CSMD2: variants seen among roughly 807,000 people sequenced by gnomAD.
CSMD2 encodes CUB and sushi domain-containing protein 2.
A neutral mutation model predicts 398.5 loss-of-function variants in CSMD2; 130 were observed. The ratio of observed to expected loss-of-function variants is 0.33; its 90% CI spans 0.28 to 0.38. CSMD2 has a LOEUF of 0.38. Ranked by LOEUF, CSMD2 falls within the 10% of genes least tolerant of loss-of-function variation. The probability of loss-of-function intolerance (pLI) is 1.00; values close to 1 mark genes in which losing one functional copy is unlikely to be tolerated. For missense variants in CSMD2, 3,829 were observed against 4,764.9 expected (o/e 0.80, Z 5.78); for synonymous variants, 1,828 against 1,908.5 (o/e 0.96, Z 1.10).
intron 1 of CSMD2, among the ~76,000 whole-genome samples, chr1:34,111,061 T>G (rs962529871): frequency 3.9e-5 from 6 of 152,254 alleles, no homozygotes; most frequent in African/African-American, 1.4e-4. Flanking sequence ...TTACTGTTTA[T>G]TGTTTATTTC....
At chr1:33,845,162 C>A (rs1661233542) in intron 6 of CSMD2, among the ~76,000 whole-genome samples, 1 of 152,090 alleles carries the variant, frequency 6.6e-6, no homozygotes, top group Non-Finnish European at 1.5e-5. Context: ...GGAAGACACC[C>A]AAAGCACCAT....
intron 1 of CSMD2, among the ~76,000 whole-genome samples, chr1:34,110,010 C>T (rs1397011774): frequency 8.2e-6 from 1 of 122,386 alleles, no homozygotes; most frequent in African/African-American, 3.0e-5. Context: ...CACTGCACTC[C>T]AGCCTGGGTG....
intron 25 of CSMD2, among the ~76,000 whole-genome samples, chr1:33,690,736 A>G (rs755590306): frequency 6.6e-6 from 1 of 152,178 alleles, no homozygotes; most frequent in Non-Finnish European, 1.5e-5. Flanking sequence ...AACTACCTTT[A>G]TACTTGGGTC....
chr1:33,584,164 T>C (rs965796487), intron 46 of CSMD2, among the ~76,000 whole-genome samples: 9 of 152,182 alleles, frequency 5.9e-5, no homozygotes, highest in Non-Finnish European at 1.2e-4. Flanking sequence ...AAGGAGATAA[T>C]CTATAAAATG....
At chr1:33,850,369 G>C (rs1169187838) in intron 5 of CSMD2, among the ~76,000 whole-genome samples, 1 of 152,172 alleles carries the variant, frequency 6.6e-6, no homozygotes, top group Non-Finnish European at 1.5e-5. Flanking sequence ...TGCACAGAGA[G>C]GTAAAGAAAC....
chr1:34,007,772 C>T (rs2148055980), intron 3 of CSMD2, among the ~76,000 whole-genome samples: 1 of 152,208 alleles, frequency 6.6e-6, no homozygotes, highest in East Asian at 1.9e-4. Context: ...GAATTTTATG[C>T]ACTAATATGC....
chr1:34,040,928 C>A (rs1651772827), intron 2 of CSMD2, among the ~76,000 whole-genome samples: 1 of 152,088 alleles, frequency 6.6e-6, no homozygotes. Context: ...AGTTCGAGAT[C>A]ACCCTGGTCA....
chr1:33,515,037 T>G lies in CSMD2; in HGVS notation c.*1587A>C, dbSNP rs1051259621. ...TCACACGTATACAGGGGCTTAAGCT[T>G]GTGGGGGCCTTCCCGAGGACAGAGA... On this transcript the variant is annotated 3_prime_UTR_variant, in exon 71 of 71. Coordinates refer to ENST00000373381, the MANE Select transcript of CSMD2 (RefSeq NM_001281956.2). 3 of 152,206 alleles carry G rather than the reference T, an allele frequency of 2.0e-5. No homozygotes were observed. The highest frequency in any genetic ancestry group is 2.9e-5 in the Non-Finnish European group (2 of 68,046). 9.4% of individuals were successfully genotyped at this position (152,206 alleles called of 1,614,324 possible).
At chr1:33,616,680 A>G (rs1420361728) in intron 39 of CSMD2, among the ~76,000 whole-genome samples, 3 of 152,144 alleles carry the variant, frequency 2.0e-5, no homozygotes, top group African/African-American at 4.8e-5. Flanking sequence ...AAATGGGCAG[A>G]CCTCCTGTAA....
At chr1:33,956,946 T>C (rs2125385223) in intron 3 of CSMD2, among the ~76,000 whole-genome samples, 1 of 152,214 alleles carries the variant, frequency 6.6e-6, no homozygotes, top group South Asian at 2.1e-4. Flanking sequence ...CAGTCTCTGC[T>C]GGTGCCCTTG....
chr1:33,789,196 TCTC>T (rs1456754934), intron 11 of CSMD2, among the ~76,000 whole-genome samples: 2 of 152,150 alleles, frequency 1.3e-5, no homozygotes, highest in East Asian at 3.9e-4. Context: ...CAATGAGACA[TCTC>T]CTTCCATTCC....
chr1:33,975,356 T>TTGTC (rs199642399), intron 3 of CSMD2, among the ~76,000 whole-genome samples: 1,695 of 152,186 alleles, frequency 0.011, 31 homozygotes, highest in African/African-American at 0.037. Context: ...CAAACAGACT[T>TTGTC]TTCTTCACTG....
chr1:33,769,407 T>C (rs150084059), intron 13 of CSMD2, among the ~76,000 whole-genome samples: 2 of 152,282 alleles, frequency 1.3e-5, no homozygotes, highest in East Asian at 3.9e-4. Flanking sequence ...TCCCATTGAT[T>C]TTGAGCAGGG....
intron 22 of CSMD2, among the ~76,000 whole-genome samples, chr1:33,705,800 G>T (rs1194308398): frequency 2.6e-5 from 4 of 151,678 alleles, no homozygotes; most frequent in Non-Finnish European, 4.4e-5. Flanking sequence ...GCAGTGGCGT[G>T]ATCCCTAAAC....
At chr1:33,721,031 A>G (rs1436632617) in intron 19 of CSMD2, among the ~76,000 whole-genome samples, 1 of 152,160 alleles carries the variant, frequency 6.6e-6, no homozygotes, top group Non-Finnish European at 1.5e-5. Context: ...ATCTATGCTA[A>G]GAATTAGGTG....
chr1:33,516,905 GAAA>G lies in CSMD2; in HGVS notation c.*54-338_*54-336del, dbSNP rs3043317. ...ATTTTAGTTTCTTTCAAAATCAGAT[GAAA>G]AAAAAAAAATGACTAGGATAATAAT... is the stretch of plus-strand genomic sequence containing the variant. On this transcript the variant is annotated intron_variant, in intron 70 of 70. Coordinates refer to ENST00000373381, the MANE Select transcript of CSMD2 (RefSeq NM_001281956.2). Among the ~76,000 whole-genome samples, 704 of 149,934 alleles carry G rather than the reference GAAA, an allele frequency of 4.7e-3. 5 individuals are homozygous for G. The highest frequency in any genetic ancestry group is 0.013 in the African/African-American group (532 of 41,086).
Position 33,696,116 on chromosome 1 carries a change from C to A in CSMD2, c.3925+2637G>T, listed in dbSNP as rs114827773. On this transcript the variant is annotated intron_variant, in intron 24 of 70. Transcript: ENST00000373381. Reference sequence around the variant, plus strand: ...TTTATTGAATTAATGGATGGCTGGACAATCAAATGAATGGAAGCAGATTAT... The same window carrying A: ...TTTATTGAATTAATGGATGGCTGGAAAATCAAATGAATGGAAGCAGATTAT... 3.4e-3 allele frequency among the ~76,000 whole-genome samples: 511 copies of A among 152,234 alleles called. 4 individuals carry two copies. The highest frequency in any genetic ancestry group is 6.8e-3 in the Middle Eastern group (2 of 294).
chr1:33,533,966 G>A lies in CSMD2; in HGVS notation c.9880-59C>T, dbSNP rs1570643825. ...CCTTTCAGCGGTGCTTCCTACGTCT[G>A]TCCCTTGACCACTTTCACATGGCCC... On this transcript the variant is annotated intron_variant, in intron 62 of 70. Transcript: ENST00000373381. The surrounding 1 kb of genome is among the most constrained non-coding windows in gnomAD (Gnocchi z 4.2). 5.6e-6 allele frequency: 6 copies of A among 1,068,960 alleles called. No homozygotes were observed. The highest frequency in any genetic ancestry group is 7.2e-6 in the Non-Finnish European group (5 of 695,474). 66.2% of individuals were successfully genotyped at this position (1,068,960 alleles called of 1,614,324 possible).
At chr1:33,561,250 A>G (rs1658515768) in intron 53 of CSMD2, among the ~76,000 whole-genome samples, 1 of 152,160 alleles carries the variant, frequency 6.6e-6, no homozygotes, top group African/African-American at 2.4e-5. Context: ...GGAGCCAGGA[A>G]GAGCAGGGGA....
Sources: gnomAD v4.1 joint callset for allele counts (sites outside exome capture counted in the v4.1 genomes callset) on GRCh38, gnomAD v4.1.1 for gene constraint, Gnocchi (gnomAD v3.1) non-coding constraint, MANE v1.5 for transcripts, NCBI Gene and HGNC (gene_info 2026-07-23, HGNC 2026-07-21) for gene names.